Variants in RPRD1B observed in about 807,000 individuals in gnomAD.
RPRD1B encodes the protein regulation of nuclear pre-mRNA domain-containing protein 1B.
RPRD1B carries 11 observed loss-of-function variants against 41.5 expected under a neutral mutation model. The observed-to-expected ratio is 0.27, with a 90% confidence interval of 0.17 to 0.44. The LOEUF (loss-of-function observed/expected upper bound fraction) is 0.44. Among genes scored for constraint, RPRD1B ranks in the 20% least tolerant of loss-of-function variants. The probability of loss-of-function intolerance (pLI) is 1.00; values close to 1 mark genes in which losing one functional copy is unlikely to be tolerated. For synonymous variants in RPRD1B, 158 were observed against 155.6 expected (o/e 1.02, Z -0.12); for missense variants, 248 against 389.9 (o/e 0.64, Z 3.06).
chr20:38,056,980 G>A (rs1159414226), intron 3 of RPRD1B, among the ~76,000 whole-genome samples: 4 of 152,136 alleles, frequency 2.6e-5, no homozygotes, highest in Admixed American at 2.6e-4. Flanking sequence ...ATTTAAAATG[G>A]TAACTTAAGT....
At position 38,092,182 on chromosome 20, in the gene RPRD1B, CAGAA is replaced by C; in HGVS notation, c.*2310_*2313del. 6.1e-6 allele frequency: 6 copies of C among 985,708 alleles called. No homozygotes were observed. Among genetic ancestry groups the C allele is most frequent in the Non-Finnish European group, 6.0e-6 (5 of 829,884 alleles). The allele number at this position is 985,708 out of a possible 1,614,324, so 61.1% of individuals were successfully genotyped here. A position where few individuals can be genotyped will look rare whatever the true frequency, so the allele number is the denominator to read the frequency against. On this transcript the variant is annotated 3_prime_UTR_variant, in exon 7 of 7. Coordinates refer to ENST00000373433, the MANE Select transcript of RPRD1B (RefSeq NM_021215.4). ...GACCTTTCCTTTAGGTCATATTCCTCAGAAAGTCTTCAATCTTCCCTTGTTTTTG... is the reference window on the plus strand; with the variant it reads ...GACCTTTCCTTTAGGTCATATTCCTCAGTCTTCAATCTTCCCTTGTTTTTG...
chr20:38,072,945 T>C (rs1308316947), intron 6 of RPRD1B, among the ~76,000 whole-genome samples: 2 of 152,220 alleles, frequency 1.3e-5, no homozygotes, highest in Non-Finnish European at 2.9e-5. Flanking sequence ...AGCAGGATTA[T>C]TGAGCTGGAC....
chr20:38,063,808 A>G (rs1309112879), intron 5 of RPRD1B, among the ~76,000 whole-genome samples: 1 of 152,228 alleles, frequency 6.6e-6, no homozygotes, highest in Non-Finnish European at 1.5e-5. Flanking sequence ...GCGTGAGGAC[A>G]GCGTGGGTAG....
rs1390565812 is a variant in RPRD1B at position 38,079,800 on chromosome 20, A to T, written c.832-9926A>T. 2.6e-5 allele frequency among the ~76,000 whole-genome samples: 4 copies of T among 152,278 alleles called. No individual in the cohort carries two copies. In the East Asian group the frequency reaches 5.8e-4, roughly 22 times the overall value. ...TTTAAGTTCTTTGAGAAATCTCCAG[A>T]CTGCTTTCCACAGTAGCTGAACTAA... On this transcript the variant is annotated intron_variant, in intron 6 of 6. Transcript: ENST00000373433.
At chr20:38,055,360 T>C (rs1465354548) in intron 3 of RPRD1B, among the ~76,000 whole-genome samples, 1 of 152,244 alleles carries the variant, frequency 6.6e-6, no homozygotes, top group Non-Finnish European at 1.5e-5. Flanking sequence ...TTGCAAGTTG[T>C]CATACTGTAT....
chr20:38,066,330 T>C (rs1248040793), intron 6 of RPRD1B, 74 bp downstream of exon 6: 1 of 1,340,682 alleles, frequency 7.5e-7, no homozygotes, highest in African/African-American at 1.5e-5. Flanking sequence ...GTTTTTATTA[T>C]GCTTTAATTA....
intron 1 of RPRD1B, among the ~76,000 whole-genome samples, chr20:38,037,902 C>A (rs956181458): frequency 2.6e-5 from 4 of 151,614 alleles, no homozygotes; most frequent in Non-Finnish European, 4.4e-5. Flanking sequence ...TAAAGCTTCA[C>A]TTAATGAAAT....
At chr20:38,043,472 A>G (rs1483328319) in intron 2 of RPRD1B, among the ~76,000 whole-genome samples, 1 of 152,184 alleles carries the variant, frequency 6.6e-6, no homozygotes, top group Non-Finnish European at 1.5e-5. Context: ...GATATATTCC[A>G]ATATATTCCA....
At chr20:38,071,110 C>T (rs2074409314) in intron 6 of RPRD1B, among the ~76,000 whole-genome samples, 1 of 152,142 alleles carries the variant, frequency 6.6e-6, no homozygotes, top group Non-Finnish European at 1.5e-5. Flanking sequence ...CTGTGTTGAC[C>T]CACATGCCAC....
In RPRD1B at chr20:38,091,150, A is replaced by G; in HGVS notation, c.*1275A>G. 1 of 985,854 alleles carries G rather than the reference A, an allele frequency of 1.0e-6. No homozygotes were observed. The highest frequency in any genetic ancestry group is 1.2e-6 in the Non-Finnish European group (1 of 829,924). 61.1% of individuals were successfully genotyped at this position (985,854 alleles called of 1,614,324 possible). On this transcript the variant is annotated 3_prime_UTR_variant, in exon 7 of 7. Transcript: ENST00000373433. ...TTGGCAGGCTTATTTTTGACATTGG[A>G]AAGGGCAGAAAGCGATTTGCCCCAG...
intron 6 of RPRD1B, among the ~76,000 whole-genome samples, chr20:38,078,092 C>A (rs535728913): frequency 6.6e-6 from 1 of 151,444 alleles, no homozygotes; most frequent in African/African-American, 2.4e-5. Flanking sequence ...CACTTGAGCC[C>A]AGGAGGTGAA....
At chr20:38,060,371 C>T (rs1329405081) in intron 5 of RPRD1B, among the ~76,000 whole-genome samples, 2 of 152,196 alleles carry the variant, frequency 1.3e-5, no homozygotes, top group Non-Finnish European at 2.9e-5. Flanking sequence ...TCTTCCATAT[C>T]TATCTAAAGG....
chr20:38,044,762 G>A lies in RPRD1B; in HGVS notation c.282-3586G>A, dbSNP rs6063967. Among the ~76,000 whole-genome samples the A allele has an allele frequency of 2.4e-4, 36 of 152,038 alleles. 1 individual carries two copies. In the East Asian group the frequency reaches 5.4e-3, roughly 23 times the overall value. ...CAGTTAGGAAATGGTAGGGACACTC[G>A]GAAATCCCAAGTTCCCAGACCACTT... On this transcript the variant is annotated intron_variant, in intron 2 of 6. Transcript: ENST00000373433.
intron 6 of RPRD1B, chr20:38,083,838 G>T (rs2074536533): frequency 6.6e-6 from 1 of 152,040 alleles, no homozygotes; most frequent in Non-Finnish European, 1.5e-5. Context: ...AGCAGCTCCC[G>T]CCGTGCTGTG....
Position 38,089,975 on chromosome 20 carries a change from C to A in RPRD1B, c.*100C>A. On this transcript the variant is annotated 3_prime_UTR_variant, in exon 7 of 7. Coordinates refer to ENST00000373433, the MANE Select transcript of RPRD1B (RefSeq NM_021215.4). ...CTAGCCCCTGGTTCTATCCCTTCTT[C>A]CGCCCAGCCCCCCAGCCTCAAGAAA... The A allele has an allele frequency of 1.3e-6, 2 of 1,505,890 alleles. No individual in the cohort carries two copies. The highest frequency in any genetic ancestry group is 2.1e-4 in the Middle Eastern group (1 of 4,862). 93.3% of individuals were successfully genotyped at this position (1,505,890 alleles called of 1,614,324 possible). A position where few individuals can be genotyped will look rare whatever the true frequency, so the allele number is the denominator to read the frequency against.
chr20:38,064,843 G>A (rs1429086964), intron 5 of RPRD1B, among the ~76,000 whole-genome samples: 3 of 152,040 alleles, frequency 2.0e-5, no homozygotes, highest in South Asian at 2.1e-4. Context: ...AAAATTAGAC[G>A]GGCGTGGTGG....
At chr20:38,036,411 A>G (rs976680364) in intron 1 of RPRD1B, among the ~76,000 whole-genome samples, 5 of 152,198 alleles carry the variant, frequency 3.3e-5, no homozygotes, top group Admixed American at 6.5e-5. Context: ...GCTTTCATTT[A>G]TTAGAATTAA....
Position 38,091,180 on chromosome 20 carries a change from G to A in RPRD1B, c.*1305G>A. ...GCAGAAAGCGATTTGCCCCAGTAGT[G>A]TAATAGGAGTTATAGACCAGAGGCT... On this transcript the variant is annotated 3_prime_UTR_variant, in exon 7 of 7. Coordinates refer to ENST00000373433, the MANE Select transcript of RPRD1B (RefSeq NM_021215.4). The A allele has an allele frequency of 1.0e-6, 1 of 985,834 alleles. No individual in the cohort carries two copies. Among genetic ancestry groups the A allele is most frequent in the Non-Finnish European group, 1.2e-6 (1 of 829,914 alleles). 61.1% of individuals were successfully genotyped at this position (985,834 alleles called of 1,614,324 possible). A position where few individuals can be genotyped will look rare whatever the true frequency, so the allele number is the denominator to read the frequency against.
At chr20:38,052,164 A>G (rs544392869) in intron 3 of RPRD1B, among the ~76,000 whole-genome samples, 1 of 152,342 alleles carries the variant, frequency 6.6e-6, no homozygotes, top group South Asian at 2.1e-4. Context: ...TAGGATAGTG[A>G]TGAGGATTAC....
Sources: allele counts gnomAD v4.1 joint callset (sites outside exome capture counted in the v4.1 genomes callset), GRCh38; gene constraint gnomAD v4.1.1; transcripts MANE v1.5; gene names NCBI Gene and HGNC (gene_info 2026-07-23, HGNC 2026-07-21).